GMDS: variants seen among roughly 807,000 people sequenced by gnomAD.
The protein encoded by GMDS is GDP-mannose 4,6-dehydratase.
Under a neutral mutation model 49.9 loss-of-function variants are expected in GMDS, and 20 were observed. The ratio of observed to expected loss-of-function variants is 0.40; its 90% CI spans 0.28 to 0.58. The LOEUF is 0.58. Among genes scored for constraint, GMDS ranks in the 20% least tolerant of loss-of-function variants. GMDS has a pLI of 0.42. For synonymous variants in GMDS, 177 were observed against 178.6 expected, an observed-to-expected ratio of 0.99 and a Z score of 0.07; for missense variants, 362 against 481.4, an observed-to-expected ratio of 0.75 and a Z score of 2.32.
intron 4 of GMDS, among the ~76,000 whole-genome samples, chr6:2,088,263 G>A (rs1279241903): frequency 6.6e-6 from 1 of 152,196 alleles, no homozygotes; most frequent in East Asian, 1.9e-4. Flanking sequence ...GGGGATATGG[G>A]AGGTATTCAG....
intron 4 of GMDS, among the ~76,000 whole-genome samples, chr6:1,974,557 T>C (rs1764789154): frequency 6.6e-6 from 1 of 152,100 alleles, no homozygotes; most frequent in African/African-American, 2.4e-5. Context: ...AGTCTCAAAC[T>C]GATGTTTGAG....
intron 7 of GMDS, among the ~76,000 whole-genome samples, chr6:1,865,280 G>C (rs1171232818): frequency 6.6e-6 from 1 of 152,088 alleles, no homozygotes; most frequent in Non-Finnish European, 1.5e-5. Context: ...TAGCAGATTT[G>C]TAATAGCAGA....
chr6:2,057,246 C>T (rs908842624), intron 4 of GMDS, among the ~76,000 whole-genome samples: 1 of 152,164 alleles, frequency 6.6e-6, no homozygotes, highest in Non-Finnish European at 1.5e-5. Context: ...CCCACTGATA[C>T]TATCATGAGA....
chr6:1,803,215 G>A (rs1267813561), intron 7 of GMDS, among the ~76,000 whole-genome samples: 2 of 152,194 alleles, frequency 1.3e-5, no homozygotes, highest in Middle Eastern at 6.8e-3. Context: ...TGCTGATTTG[G>A]GACCAGCTTG....
chr6:1,857,889 T>C (rs1455979662), intron 7 of GMDS, among the ~76,000 whole-genome samples: 1 of 152,160 alleles, frequency 6.6e-6, no homozygotes, highest in Non-Finnish European at 1.5e-5. Context: ...TCTATAATTA[T>C]CATCTTGGAA....
chr6:1,717,599 C>T (rs1295473007), intron 9 of GMDS: 1 of 152,198 alleles, frequency 6.6e-6, no homozygotes, highest in Non-Finnish European at 1.5e-5. Context: ...AAGAAGCACA[C>T]AGCTGGCAGT....
At chr6:2,238,756 T>C (rs935019749) in intron 1 of GMDS, among the ~76,000 whole-genome samples, 1 of 152,206 alleles carries the variant, frequency 6.6e-6, no homozygotes, top group African/African-American at 2.4e-5. Flanking sequence ...CTCCTTCCTC[T>C]ATCCTAATTT....
intron 4 of GMDS, among the ~76,000 whole-genome samples, chr6:2,105,523 C>T (rs139438187): frequency 9.2e-5 from 14 of 152,068 alleles, no homozygotes; most frequent in Admixed American, 8.5e-4. Flanking sequence ...GGGAATGTTA[C>T]AACAAACAAA....
At chr6:2,118,279 G>T (rs545105417) in intron 2 of GMDS, among the ~76,000 whole-genome samples, 1 of 152,284 alleles carries the variant, frequency 6.6e-6, no homozygotes, top group African/African-American at 2.4e-5. Context: ...TGACACACAG[G>T]AGAAATTGTT....
intron 1 of GMDS, among the ~76,000 whole-genome samples, chr6:2,245,103 C>T (rs998526668): frequency 6.6e-6 from 1 of 152,222 alleles, no homozygotes; most frequent in Non-Finnish European, 1.5e-5. Flanking sequence ...CGCTCACAGC[C>T]CCCAGAGAAA....
chr6:2,195,444 A>G (rs984815004), intron 1 of GMDS, among the ~76,000 whole-genome samples: 18 of 152,190 alleles, frequency 1.2e-4, no homozygotes, highest in African/African-American at 4.1e-4. Flanking sequence ...GAGAACTGTG[A>G]TAATTTTCTT....
intron 2 of GMDS, among the ~76,000 whole-genome samples, chr6:2,123,426 T>C (rs1233303163): frequency 6.6e-6 from 1 of 152,204 alleles, no homozygotes; most frequent in Non-Finnish European, 1.5e-5. Flanking sequence ...GCTCATTTTC[T>C]AGGTTCACTC....
intron 4 of GMDS, among the ~76,000 whole-genome samples, chr6:2,017,780 T>C (rs1768001694): frequency 6.6e-6 from 1 of 152,154 alleles, no homozygotes; most frequent in African/African-American, 2.4e-5. Context: ...TATTATATAC[T>C]GCATTCTTAA....
chr6:1,934,271 G>A (rs959177959), intron 6 of GMDS, among the ~76,000 whole-genome samples: 1 of 152,214 alleles, frequency 6.6e-6, no homozygotes, highest in Admixed American at 6.5e-5. Flanking sequence ...ACACAGTCCT[G>A]GTTACTGTAG....
intron 8 of GMDS, among the ~76,000 whole-genome samples, chr6:1,734,185 C>T (rs905797526): frequency 1.3e-5 from 2 of 152,168 alleles, no homozygotes; most frequent in African/African-American, 4.8e-5. Flanking sequence ...AGAATTCTTC[C>T]ATCTTATTTA....
chr6:1,694,784 T>C (rs948648735), intron 9 of GMDS, among the ~76,000 whole-genome samples: 1 of 152,204 alleles, frequency 6.6e-6, no homozygotes, highest in South Asian at 2.1e-4. Context: ...AAAAAGCTTA[T>C]AGTATTTATT....
At chr6:1,692,005 C>T (rs758466071) in intron 9 of GMDS, among the ~76,000 whole-genome samples, 8 of 152,126 alleles carry the variant, frequency 5.3e-5, no homozygotes, top group Non-Finnish European at 8.8e-5. Flanking sequence ...GAAGCAGACC[C>T]ACCCTCAGTC....
Position 1,673,640 on chromosome 6 carries a change from C to T in GMDS, c.988-49100G>A, listed in dbSNP as rs147685422. Among the ~76,000 whole-genome samples, 562 of 152,178 alleles carry T rather than the reference C, an allele frequency of 3.7e-3. 1 individual carries two copies. Among genetic ancestry groups the T allele is most frequent in the Non-Finnish European group, 6.0e-3 (405 of 68,014 alleles). ...CAAACGTATAATGTCATGTATCCAC[C>T]ATTACTATATCATATAGAATAGTTC... On this transcript the variant is annotated intron_variant, in intron 9 of 10. Transcript: ENST00000380815.
At chr6:1,916,751 G>T (rs994694322) in intron 7 of GMDS, among the ~76,000 whole-genome samples, 1 of 152,150 alleles carries the variant, frequency 6.6e-6, no homozygotes, top group African/African-American at 2.4e-5. Context: ...TGACTCATTA[G>T]CCAGCCAGTT....
Sources: gnomAD v4.1 joint callset for allele counts (sites outside exome capture counted in the v4.1 genomes callset) on GRCh38, gnomAD v4.1.1 for gene constraint, MANE v1.5 for transcripts, NCBI Gene and HGNC (gene_info 2026-07-23, HGNC 2026-07-21) for gene names.